The following MGAM2 variants were observed in gnomAD, a reference collection of about 807,000 sequenced individuals.
The protein encoded by MGAM2 is maltase-glucoamylase 2 (putative).
MGAM2 carries 98 observed loss-of-function variants against 96.1 expected under a neutral mutation model. The ratio of observed to expected loss-of-function variants is 1.02; its 90% CI spans 0.87 to 1.21. The LOEUF is 1.21. Ranked by LOEUF, MGAM2 falls within the 50% of genes most tolerant of loss-of-function variation. The pLI is 0.00. For missense variants in MGAM2, 2,055 were observed against 1,182.4 expected (o/e 1.74, Z -10.82); for synonymous variants, 749 against 414.8 (o/e 1.81, Z -9.79).
rs1328383192 is a variant in MGAM2, at chr7:142,147,494, A to G, written c.1555A>G (p.Met519Val). 1 of 702,858 alleles carries G rather than the reference A, an allele frequency of 1.4e-6. No individual in the cohort carries two copies. Among genetic ancestry groups the G allele is most frequent in the Non-Finnish European group, 2.6e-6 (1 of 384,914 alleles). The allele number at this position is 702,858 out of a possible 1,614,324, so 43.5% of individuals were successfully genotyped here. Residue 519 changes from methionine (M) to valine (V), a missense_variant, in exon 15 of 48, where the codon ATG becomes GTG. Coordinates refer to ENST00000477922, the MANE Select transcript of MGAM2 (RefSeq NM_001293626.2). ...DHLLFARTLC[M>V]DTEFHGGLHY... ...CTTACTTTTTGCAAGAACTCTCTGC[A>G]TGGACACGGAGTTTCATGGGGGCCT...
chr7:142,138,987 A>T (rs546195461), intron 10 of MGAM2, among the ~76,000 whole-genome samples: 1 of 152,308 alleles, frequency 6.6e-6, no homozygotes, highest in African/African-American at 2.4e-5. Context: ...GTGGGCTGGT[A>T]GTAAGGAATG....
In MGAM2 at chr7:142,111,783, G is replaced by C. The variant is rs1488081750; in HGVS notation, c.-25G>C. ...TATGAATTGCTGAGGGAGAGATACA[G>C]CATAGAAAAAAACAAGGTGATGCGG... On this transcript the variant is annotated 5_prime_UTR_variant, in exon 1 of 48. Coordinates refer to ENST00000477922, the MANE Select transcript of MGAM2 (RefSeq NM_001293626.2). 6.6e-6 allele frequency: 1 copy of C among 152,136 alleles called. No homozygotes were observed. Among genetic ancestry groups the C allele is most frequent in the Non-Finnish European group, 1.5e-5 (1 of 68,010 alleles). The allele number at this position is 152,136 out of a possible 1,614,324, so 9.4% of individuals were successfully genotyped here. A position where few individuals can be genotyped will look rare whatever the true frequency, so the allele number is the denominator to read the frequency against.
At position 142,171,375 on chromosome 7, in the gene MGAM2, A is replaced by G; in HGVS notation, c.3286A>G (p.Thr1096Ala). The change falls in exon 28 of 48, where the codon ACG becomes GCG. Residue 1096 changes from threonine to alanine, a missense_variant. By Grantham distance (58) the Thr-to-Ala change is moderately conservative. Coordinates refer to ENST00000477922, the MANE Select transcript of MGAM2 (RefSeq NM_001293626.2). ...YIYGFGETEH[T>A]TFRRNMNWNT... ...CTATGGCTTTGGGGAAACTGAGCAC[A>G]CGACTTTCAGAAGAAACATGAACTG... 1 of 703,256 alleles carries G rather than the reference A, an allele frequency of 1.4e-6. No individual in the cohort carries two copies. The highest frequency in any genetic ancestry group is 2.6e-6 in the Non-Finnish European group (1 of 384,934). The allele number at this position is 703,256 out of a possible 1,614,324, so 43.6% of individuals were successfully genotyped here.
At chr7:142,219,742 T>C (rs1797862836) in intron 47 of MGAM2, 128 bp from the exon 48 acceptor site, 1 of 593,920 alleles carries the variant, frequency 1.7e-6, no homozygotes, top group South Asian at 2.1e-5. Context: ...CAAAAAGGAA[T>C]GTTTATATCC....
chr7:142,165,075 C>A, intron 24 of MGAM2, 52 bp downstream of exon 24: 1 of 630,730 alleles, frequency 1.6e-6, no homozygotes, highest in South Asian at 1.9e-5. Flanking sequence ...TTGGCTCTGA[C>A]AGCCAGCCCT....
intron 5 of MGAM2, 109 bp from the exon 6 acceptor site, chr7:142,131,822 T>A: frequency 1.6e-6 from 1 of 616,550 alleles, no homozygotes; most frequent in East Asian, 2.7e-5. Flanking sequence ...AGGTGAAGAA[T>A]TAGAAGCTAT....
intron 19 of MGAM2, among the ~76,000 whole-genome samples, chr7:142,158,648 T>G (rs2129085787): frequency 6.6e-6 from 1 of 152,246 alleles, no homozygotes; most frequent in South Asian, 2.1e-4. Context: ...GTTTCCTTTG[T>G]CCAGAGCGGG....
At chr7:142,217,985 G>A (rs2129107534) in intron 46 of MGAM2, among the ~76,000 whole-genome samples, 1 of 152,276 alleles carries the variant, frequency 6.6e-6, no homozygotes, top group Non-Finnish European at 1.5e-5. Context: ...TTAGGAGGCT[G>A]AGGCAGGAGA....
chr7:142,132,716 TTAA>T (rs953678126), intron 6 of MGAM2, among the ~76,000 whole-genome samples: 4 of 125,648 alleles, frequency 3.2e-5, no homozygotes, highest in African/African-American at 6.4e-5. Flanking sequence ...ATAATTAATA[TTAA>T]TAATATTAAT....
chr7:142,167,378 G>A lies in MGAM2; in HGVS notation c.2919G>A (p.Pro973=), dbSNP rs977017114. The part of the protein sequence containing the change: ...NTSITADLSL[P]MAPESAAAAA... ...GCATCACTGCAGACCTTTCCCTCCC[G>A]ATGGCCCCTGAGTCAGCTGCTGCTG... The change falls in exon 26 of 48, where the codon CCG becomes CCA. Residue 973 remains proline (P), a synonymous_variant. Coordinates refer to ENST00000477922, the MANE Select transcript of MGAM2 (RefSeq NM_001293626.2). 7.1e-6 allele frequency: 5 copies of A among 702,668 alleles called. No individual in the cohort carries two copies. The highest frequency in any genetic ancestry group is 1.7e-5 in the African/African-American group (1 of 57,172). The allele number at this position is 702,668 out of a possible 1,614,324, so 43.5% of individuals were successfully genotyped here.
chr7:142,200,433 C>T (rs975893794), intron 45 of MGAM2, among the ~76,000 whole-genome samples: 2 of 152,102 alleles, frequency 1.3e-5, no homozygotes, highest in Non-Finnish European at 2.9e-5. Context: ...TTAAGTGTTG[C>T]CCAAAGGATA....
Position 142,187,746 on chromosome 7 carries a change from TCAGGATA to T in MGAM2, c.4123-3_4126del, listed in dbSNP as rs1563283852. The T allele has an allele frequency of 1.4e-6, 1 of 702,578 alleles. No homozygotes were observed. Among genetic ancestry groups the T allele is most frequent in the Non-Finnish European group, 2.6e-6 (1 of 384,698 alleles). 43.5% of individuals were successfully genotyped at this position (702,578 alleles called of 1,614,324 possible). A position where few individuals can be genotyped will look rare whatever the true frequency, so the allele number is the denominator to read the frequency against. The stretch of plus-strand genomic sequence containing the variant: ...CGAGATCTTTTTTTGTTAACTCATT[TCAGGATA>T]TGAATGAGCCATCAAATTTTGTGGA... On this transcript the variant is annotated splice_acceptor_variant and splice_polypyrimidine_tract_variant and coding_sequence_variant and intron_variant, in exon 36 of 48. Transcript: ENST00000477922. LOFTEE classifies it high-confidence loss of function.
chr7:142,113,385 T>C (rs183418810), intron 1 of MGAM2, among the ~76,000 whole-genome samples: 48 of 152,246 alleles, frequency 3.2e-4, no homozygotes, highest in Non-Finnish European at 6.3e-4. Context: ...CATTAAAGGC[T>C]TGAATATAGG....
chr7:142,195,156 G>A (rs1337309837), intron 37 of MGAM2, among the ~76,000 whole-genome samples: 1 of 151,540 alleles, frequency 6.6e-6, no homozygotes, highest in East Asian at 1.9e-4. Context: ...CTCTTCCCCT[G>A]TCTGCCATGT....
chr7:142,131,359 A>G (rs1045310828), intron 4 of MGAM2, among the ~76,000 whole-genome samples, 159 bp from the exon 5 acceptor site: 4 of 152,084 alleles, frequency 2.6e-5, no homozygotes, highest in African/African-American at 9.7e-5. Context: ...AATCATTTGA[A>G]CCTGGGAGGT....
At chr7:142,218,243 A>G in intron 46 of MGAM2, 118 bp from the exon 47 acceptor site, 1 of 487,934 alleles carries the variant, frequency 2.0e-6, no homozygotes, top group South Asian at 4.8e-5. Flanking sequence ...TAAATACATA[A>G]ATAGAAATAG....
rs1243043185 is a variant in MGAM2 at position 142,196,286 on chromosome 7, T to C, written c.4479T>C (p.Ile1493=). Residue 1493 remains isoleucine (I), a splice_region_variant and synonymous_variant, in exon 38 of 48, where the codon ATT becomes ATC. Transcript: ENST00000477922. The part of the protein sequence containing the change: ...AAWDQLGKSI[I]GMMEFSLFGI... The stretch of plus-strand genomic sequence containing the variant: ...GGGACCAGCTGGGGAAATCTATCAT[T>C]GGTGTGTGGGCTCATTCCCAGGGGC... 3 of 752,072 alleles carry C rather than the reference T, an allele frequency of 4.0e-6. No homozygotes were observed. The highest frequency in any genetic ancestry group is 1.5e-5 in the South Asian group (1 of 68,216). The allele number at this position is 752,072 out of a possible 1,614,324, so 46.6% of individuals were successfully genotyped here.
Position 142,175,717 on chromosome 7 carries a change from T to A in MGAM2, c.3753T>A (p.Phe1251Leu). 2.8e-6 allele frequency: 2 copies of A among 702,878 alleles called. No homozygotes were observed. 43.5% of individuals were successfully genotyped at this position (702,878 alleles called of 1,614,324 possible). Residue 1251 changes from phenylalanine to leucine, a missense_variant, in exon 32 of 48, where the codon TTT becomes TTA. Coordinates refer to ENST00000477922, the MANE Select transcript of MGAM2 (RefSeq NM_001293626.2). ...RKLDFTLSAN[F>L]QNLSLLIEQM... is the part of the protein sequence containing the mutation. ...TGGATTTCACCCTCAGTGCCAACTT[T>A]CAAAACCTCAGTCTTCTGATTGAGC...
intron 3 of MGAM2, among the ~76,000 whole-genome samples, chr7:142,122,435 A>C (rs970741579): frequency 6.6e-6 from 1 of 152,216 alleles, no homozygotes; most frequent in African/African-American, 2.4e-5. Context: ...ATGACTACAC[A>C]TGTGTAAGCC....
Sources: allele counts gnomAD v4.1 joint callset (sites outside exome capture counted in the v4.1 genomes callset), GRCh38; gene constraint gnomAD v4.1.1; transcripts MANE v1.5; gene names NCBI Gene and HGNC (gene_info 2026-07-23, HGNC 2026-07-21).